The following ARID1B variants were observed in gnomAD, a reference collection of about 807,000 sequenced individuals.
ARID1B encodes AT-rich interactive domain-containing protein 1B.
ARID1B carries 30 observed loss-of-function variants against 212.3 expected under a neutral mutation model. That is an observed-to-expected ratio of 0.14 (90% CI 0.11 to 0.19). ARID1B has a LOEUF of 0.19. Among genes scored for constraint, ARID1B ranks in the 10% least tolerant of loss-of-function variants. The probability of loss-of-function intolerance (pLI) is 1.00; values close to 1 mark genes in which losing one functional copy is unlikely to be tolerated. For synonymous variants in ARID1B, 1,402 were observed against 1,301.7 expected, an observed-to-expected ratio of 1.08 and a Z score of -1.66; for missense variants, 2,891 against 3,204.0, an observed-to-expected ratio of 0.90 and a Z score of 2.36.
intron 5 of ARID1B, among the ~76,000 whole-genome samples, chr6:157,100,526 A>G (rs1785986607): frequency 1.3e-5 from 2 of 152,238 alleles, no homozygotes; most frequent in Admixed American, 6.5e-5. Context: ...AATAGAAAAC[A>G]CTGAACAGAA....
intron 8 of ARID1B, chr6:157,152,493 G>A (rs1044548900): frequency 2.6e-5 from 4 of 152,164 alleles, no homozygotes; most frequent in African/African-American, 9.7e-5. Context: ...ATGACTGTTA[G>A]CTGTGAATTT....
chr6:156,869,971 C>T (rs1785991470), intron 2 of ARID1B: 1 of 146,096 alleles, frequency 6.8e-6, no homozygotes, highest in Non-Finnish European at 1.5e-5. Context: ...ACTGATCTCC[C>T]TGAGTGAGTT....
intron 4 of ARID1B, chr6:157,036,964 T>C (rs774391502): frequency 3.6e-5 from 15 of 420,480 alleles, no homozygotes; most frequent in Middle Eastern, 3.4e-4. Flanking sequence ...ACTTATTTTT[T>C]TTTTAATCAT....
At chr6:157,074,463 G>C (rs1342465040) in intron 4 of ARID1B, among the ~76,000 whole-genome samples, 1 of 152,136 alleles carries the variant, frequency 6.6e-6, no homozygotes. Context: ...GAGCTCAGAT[G>C]ATCCGCCCAC....
intron 6 of ARID1B, chr6:157,110,776 C>T (rs1455299788): frequency 1.7e-6 from 1 of 590,660 alleles, no homozygotes; most frequent in South Asian, 2.0e-5. Context: ...AAGTACAGTT[C>T]AAGGCCCAAA....
At position 157,210,778 on chromosome 6, in the gene ARID1B, A is replaced by T; in HGVS notation, c.*2887A>T. On this transcript the variant is annotated 3_prime_UTR_variant, in exon 20 of 20. Coordinates refer to ENST00000636930, the MANE Select transcript of ARID1B (RefSeq NM_001374828.1). ...ATTTTGGAATGGTGCTATAAAGTTGAATCTGTTGGTATTTGAGTGGATTTT... is the reference window on the plus strand; with the variant it reads ...ATTTTGGAATGGTGCTATAAAGTTGTATCTGTTGGTATTTGAGTGGATTTT... 4.4e-6 allele frequency: 1 copy of T among 227,866 alleles called. No homozygotes were observed. The highest frequency in any genetic ancestry group is 6.3e-5 in the East Asian group (1 of 15,950). 14.1% of individuals were successfully genotyped at this position (227,866 alleles called of 1,614,324 possible).
rs2128384956 is a variant in ARID1B, at chr6:157,203,805, C to T, written c.5264-61C>T. The T allele has an allele frequency of 6.3e-7, 1 of 1,586,076 alleles. No individual in the cohort carries two copies. Among genetic ancestry groups the T allele is most frequent in the South Asian group, 1.1e-5 (1 of 88,642 alleles). ...TTATTTTTTCTTACTCTTTCGTTAACTTTCGTTCTTTCATGCATAGAGTCA... is the reference window on the plus strand; with the variant it reads ...TTATTTTTTCTTACTCTTTCGTTAATTTTCGTTCTTTCATGCATAGAGTCA... On this transcript the variant is annotated intron_variant, in intron 18 of 19. Coordinates refer to ENST00000636930, the MANE Select transcript of ARID1B (RefSeq NM_001374828.1). This position sits in a 1 kb window ranked among gnomAD's most constrained non-coding sequence, Gnocchi z 4.4.
chr6:156,779,606 T>G (rs1337907545), intron 1 of ARID1B, 135 bp downstream of exon 1: 6 of 943,920 alleles, frequency 6.4e-6, no homozygotes, highest in Non-Finnish European at 7.9e-6. Context: ...AAAGCCATCT[T>G]GACGGGCGGC....
intron 4 of ARID1B, among the ~76,000 whole-genome samples, chr6:157,028,566 A>G (rs1259731102): frequency 6.6e-6 from 1 of 152,230 alleles, no homozygotes; most frequent in Admixed American, 6.5e-5. Flanking sequence ...ATTTTGGTCT[A>G]TATTGTTCAT....
chr6:157,063,595 C>A (rs1003303840), intron 4 of ARID1B, among the ~76,000 whole-genome samples: 1 of 152,100 alleles, frequency 6.6e-6, no homozygotes, highest in African/African-American at 2.4e-5. Flanking sequence ...ATGTTAACTT[C>A]TCAGGCACAT....
intron 3 of ARID1B, among the ~76,000 whole-genome samples, chr6:156,915,771 C>G (rs1001382390): frequency 1.3e-5 from 2 of 151,906 alleles, no homozygotes; most frequent in Non-Finnish European, 2.9e-5. Flanking sequence ...TGGTGCATAC[C>G]TGTAGTTGCA....
At chr6:157,037,730 T>C (rs1480887672) in intron 4 of ARID1B, among the ~76,000 whole-genome samples, 1 of 152,190 alleles carries the variant, frequency 6.6e-6, no homozygotes, top group African/African-American at 2.4e-5. Flanking sequence ...GGCCACTTTT[T>C]GGAGGACGGA....
chr6:156,842,948 A>T (rs555314008), intron 2 of ARID1B, among the ~76,000 whole-genome samples: 36 of 152,388 alleles, frequency 2.4e-4, no homozygotes, highest in African/African-American at 8.4e-4. Context: ...AGCCTTAAAG[A>T]TCCTCCAGAC....
chr6:157,156,046 C>T (rs951595160), intron 8 of ARID1B, among the ~76,000 whole-genome samples: 3 of 152,012 alleles, frequency 2.0e-5, no homozygotes, highest in Non-Finnish European at 2.9e-5. Context: ...TGCTGATGGA[C>T]GAAGAGCTGC....
At chr6:157,088,219 G>T (rs1002087294) in intron 5 of ARID1B, among the ~76,000 whole-genome samples, 13 of 152,148 alleles carry the variant, frequency 8.5e-5, no homozygotes, top group African/African-American at 3.1e-4. Flanking sequence ...GTGGGAAGGG[G>T]CACCATTTTC....
intron 2 of ARID1B, among the ~76,000 whole-genome samples, chr6:156,830,748 C>T (rs1033963420): frequency 4.6e-5 from 7 of 150,910 alleles, no homozygotes; most frequent in Admixed American, 3.3e-4. Flanking sequence ...GGCAATGTAT[C>T]GAGACCCTAA....
chr6:156,846,770 G>A (rs951438437), intron 2 of ARID1B, among the ~76,000 whole-genome samples: 6 of 152,132 alleles, frequency 3.9e-5, no homozygotes, highest in Non-Finnish European at 8.8e-5. Flanking sequence ...CCCTCCAGAT[G>A]GCAAGTCCTC....
intron 4 of ARID1B, among the ~76,000 whole-genome samples, chr6:157,081,573 A>T (rs1208226501): frequency 1.3e-5 from 2 of 152,226 alleles, no homozygotes; most frequent in Non-Finnish European, 2.9e-5. Flanking sequence ...CTGATGACAC[A>T]TGAACACGAA....
chr6:157,085,794 C>T (rs552742874), intron 5 of ARID1B, among the ~76,000 whole-genome samples: 23 of 151,916 alleles, frequency 1.5e-4, no homozygotes, highest in African/African-American at 5.1e-4. Flanking sequence ...AATTATGAAA[C>T]ATCAACTATC....
Sources: gnomAD v4.1 joint callset for allele counts (sites outside exome capture counted in the v4.1 genomes callset) on GRCh38, gnomAD v4.1.1 for gene constraint, Gnocchi (gnomAD v3.1) non-coding constraint, MANE v1.5 for transcripts, NCBI Gene and HGNC (gene_info 2026-07-23, HGNC 2026-07-21) for gene names.